POU3F3: variants seen among roughly 807,000 people sequenced by gnomAD.
POU3F3 encodes the protein POU class 3 homeobox 3.
Under a neutral mutation model 8.6 loss-of-function variants are expected in POU3F3, and 1 was observed. The observed-to-expected ratio is 0.12, with a 90% CI of 0.04 to 0.55. The LOEUF (loss-of-function observed/expected upper bound fraction) is 0.55, where lower values mean the gene tolerates loss of function less well. Among genes scored for constraint, POU3F3 ranks in the 20% least tolerant of loss-of-function variants. The pLI, the probability that POU3F3 is intolerant of heterozygous loss-of-function variation, is 0.91. For missense variants in POU3F3, 577 were observed against 690.7 expected (o/e 0.84, Z 1.84); for synonymous variants, 418 against 327.4 (o/e 1.28, Z -2.99).
the POU3F3 span, among the ~76,000 whole-genome samples, chr2:104,871,269 A>T: frequency 2.0e-5 from 3 of 152,260 alleles, no homozygotes; most frequent in African/African-American, 7.2e-5. Context: ...ATTATTTACC[A>T]GCAGTAGCAA....
the POU3F3 span, among the ~76,000 whole-genome samples, chr2:104,896,786 T>C: frequency 2.6e-5 from 4 of 152,248 alleles, no homozygotes; most frequent in African/African-American, 9.6e-5. Flanking sequence ...AGAAGCCTGT[T>C]TGAGTGAAGA....
At chr2:104,907,677 T>C in the POU3F3 span, among the ~76,000 whole-genome samples, 2 of 152,226 alleles carry the variant, frequency 1.3e-5, no homozygotes, top group Non-Finnish European at 2.9e-5. Context: ...TTAATCCTCA[T>C]GGGATTTTCC....
the POU3F3 span, chr2:104,865,767 C>T: frequency 6.6e-6 from 1 of 152,300 alleles, no homozygotes; most frequent in East Asian, 1.9e-4. Context: ...CCTTTCTGCC[C>T]CTATCAAGGT....
the POU3F3 span, among the ~76,000 whole-genome samples, chr2:104,915,052 C>T: frequency 1.6e-4 from 25 of 152,292 alleles, no homozygotes; most frequent in Non-Finnish European, 2.9e-4. Context: ...CAGGGTCACT[C>T]GGAAGGTCAC....
chr2:104,860,645 A>G (rs985099746), downstream of POU3F3, among the ~76,000 whole-genome samples: 1 of 151,346 alleles, frequency 6.6e-6, no homozygotes, highest in Non-Finnish European at 1.5e-5. Flanking sequence ...GCTCTTGATC[A>G]GTTGTCCAAG....
the POU3F3 span, among the ~76,000 whole-genome samples, chr2:104,920,786 G>A: frequency 6.6e-6 from 1 of 152,070 alleles, no homozygotes; most frequent in East Asian, 1.9e-4. Context: ...ACATAAATAG[G>A]CATTCATTCT....
At chr2:104,893,976 G>A in the POU3F3 span, among the ~76,000 whole-genome samples, 150 of 152,220 alleles carry the variant, frequency 9.9e-4, no homozygotes, top group Non-Finnish European at 3.5e-4. Flanking sequence ...CCTATGGCAC[G>A]GCTATGTACA....
the POU3F3 span, among the ~76,000 whole-genome samples, chr2:104,927,031 C>A: frequency 3.3e-5 from 5 of 152,112 alleles, no homozygotes; most frequent in Admixed American, 3.3e-4. Flanking sequence ...CGCAACAAAC[C>A]ACCATGGTGT....
chr2:104,922,424 A>T, the POU3F3 span, among the ~76,000 whole-genome samples: 205 of 151,186 alleles, frequency 1.4e-3, no homozygotes, highest in Middle Eastern at 3.4e-3. Context: ...AAAGGAAATC[A>T]TGTAAAAAGT....
the POU3F3 span, among the ~76,000 whole-genome samples, chr2:104,907,572 T>A: frequency 6.6e-6 from 1 of 152,192 alleles, no homozygotes; most frequent in African/African-American, 2.4e-5. Flanking sequence ...CCTCTGCTTT[T>A]TTCTCCTGTC....
chr2:104,878,388 T>G, the POU3F3 span, among the ~76,000 whole-genome samples: 2 of 152,204 alleles, frequency 1.3e-5, no homozygotes, highest in Non-Finnish European at 2.9e-5. Flanking sequence ...CTAAGATATA[T>G]CATTGATATT....
At chr2:104,866,383 G>A in the POU3F3 span, 1 of 152,170 alleles carries the variant, frequency 6.6e-6, no homozygotes, top group African/African-American at 2.4e-5. Context: ...GCAGGTGAAG[G>A]GGTGGAAGTG....
At chr2:104,875,113 T>C in the POU3F3 span, among the ~76,000 whole-genome samples, 2 of 152,242 alleles carry the variant, frequency 1.3e-5, no homozygotes, top group Non-Finnish European at 2.9e-5. Flanking sequence ...TGTGACTGGC[T>C]TCTTTCACTT....
At chr2:104,898,487 A>T in the POU3F3 span, among the ~76,000 whole-genome samples, 1 of 152,254 alleles carries the variant, frequency 6.6e-6, no homozygotes, top group Non-Finnish European at 1.5e-5. Flanking sequence ...ATAATTATTA[A>T]GTAAAATTCC....
At chr2:104,883,900 A>G in the POU3F3 span, among the ~76,000 whole-genome samples, 2 of 152,158 alleles carry the variant, frequency 1.3e-5, no homozygotes, top group African/African-American at 4.8e-5. Context: ...AGAATGGCTG[A>G]GCTTGCCAGT....
the POU3F3 span, among the ~76,000 whole-genome samples, chr2:104,873,368 T>A: frequency 3.3e-5 from 5 of 151,888 alleles, no homozygotes; most frequent in African/African-American, 1.2e-4. Flanking sequence ...AGGCGCTCGC[T>A]CAAGAGGGAG....
chr2:104,871,352 T>G, the POU3F3 span, among the ~76,000 whole-genome samples: 1 of 152,224 alleles, frequency 6.6e-6, no homozygotes, highest in African/African-American at 2.4e-5. Flanking sequence ...AAACATTACC[T>G]GTTTTTTTTT....
At chr2:104,859,261 A>G (rs1481180589), downstream of POU3F3, among the ~76,000 whole-genome samples, 2 of 152,132 alleles carry the variant, frequency 1.3e-5, no homozygotes, top group African/African-American at 4.8e-5. Flanking sequence ...GTCTCTCCCC[A>G]GTATGATTCT....
the POU3F3 span, among the ~76,000 whole-genome samples, chr2:104,908,666 CCTGT>C: frequency 2.0e-5 from 3 of 152,100 alleles, no homozygotes; most frequent in East Asian, 5.8e-4. Flanking sequence ...GGAAGATTTC[CCTGT>C]CTCCCAGCTG....
Sources: allele counts gnomAD v4.1 joint callset (sites outside exome capture counted in the v4.1 genomes callset), GRCh38; gene constraint gnomAD v4.1.1; transcripts MANE v1.5; gene names NCBI Gene and HGNC (gene_info 2026-07-23, HGNC 2026-07-21).